SSMEM1: variants seen among roughly 807,000 people sequenced by gnomAD.
The protein encoded by SSMEM1 is serine rich single-pass membrane protein 1, also known as serine-rich single-pass membrane protein 1.
A neutral mutation model predicts 9.9 loss-of-function variants in SSMEM1; 12 were observed. The observed-to-expected ratio is 1.21, with a 90% CI of 0.78 to 1.96. The LOEUF is 1.96. SSMEM1 is among the 30% of genes most tolerant of loss of function. The pLI is 0.00. For missense variants in SSMEM1, 259 were observed against 292.2 expected (o/e 0.89, Z 0.83); for synonymous variants, 96 against 98.9 (o/e 0.97, Z 0.17).
chr7:130,214,033 G>A (rs1798656356), intron 2 of SSMEM1, among the ~76,000 whole-genome samples: 1 of 152,190 alleles, frequency 6.6e-6, no homozygotes, highest in South Asian at 2.1e-4. Context: ...ATTATGAACT[G>A]TCTATGACAT....
chr7:130,207,061 A>G (rs986034542), upstream of SSMEM1: 14 of 158,424 alleles, frequency 8.8e-5, no homozygotes, highest in Non-Finnish European at 1.8e-4. Flanking sequence ...AAGAAATTGT[A>G]TGCATTTGAT....
intron 1 of SSMEM1, among the ~76,000 whole-genome samples, chr7:130,210,689 A>T (rs796540219): frequency 1.3e-5 from 2 of 152,252 alleles, no homozygotes; most frequent in African/African-American, 4.8e-5. Context: ...CACATTTTCT[A>T]CTCTGCCCCT....
At chr7:130,210,585 C>T (rs1018080786) in intron 1 of SSMEM1, among the ~76,000 whole-genome samples, 3 of 152,244 alleles carry the variant, frequency 2.0e-5, no homozygotes, top group Admixed American at 6.5e-5. Flanking sequence ...GTAATCCAAA[C>T]ACCTTATTTT....
upstream of SSMEM1, chr7:130,207,710 T>C (rs1043344112): frequency 5.8e-6 from 4 of 693,980 alleles, no homozygotes; most frequent in Non-Finnish European, 1.0e-5. Flanking sequence ...GAAAATAACA[T>C]AAACATTCAG....
chr7:130,212,503 A>G (rs1429166910), intron 1 of SSMEM1, among the ~76,000 whole-genome samples: 1 of 152,126 alleles, frequency 6.6e-6, no homozygotes, highest in African/African-American at 2.4e-5. Flanking sequence ...AGGCAGGTGG[A>G]TCACCTGAGA....
Position 130,216,767 on chromosome 7 carries a change from G to A in SSMEM1, c.*297G>A. On this transcript the variant is annotated 3_prime_UTR_variant, in exon 3 of 3. Coordinates refer to ENST00000297819, the MANE Select transcript of SSMEM1 (RefSeq NM_145268.4). Reference sequence around the variant, plus strand: ...CTTGAGTGTATATATTTTGTGCCTTGAGTGTATGTATTTTGTTTATGTCTG... The same window carrying A: ...CTTGAGTGTATATATTTTGTGCCTTAAGTGTATGTATTTTGTTTATGTCTG... The A allele has an allele frequency of 2.9e-6, 1 of 345,010 alleles. No individual in the cohort carries two copies. The highest frequency in any genetic ancestry group is 5.3e-6 in the Non-Finnish European group (1 of 189,550). 21.4% of individuals were successfully genotyped at this position (345,010 alleles called of 1,614,324 possible). A position where few individuals can be genotyped will look rare whatever the true frequency, so the allele number is the denominator to read the frequency against.
In SSMEM1 at chr7:130,216,142, A is replaced by T; in HGVS notation, c.407A>T (p.Asn136Ile). 2 of 1,614,222 alleles carry T rather than the reference A, an allele frequency of 1.2e-6. No homozygotes were observed. Among genetic ancestry groups the T allele is most frequent in the Non-Finnish European group, 1.7e-6 (2 of 1,180,036 alleles). Residue 136 changes from asparagine (N) to isoleucine (I), a missense_variant, in exon 3 of 3, where the codon AAT becomes ATT. Transcript: ENST00000297819. The part of the protein sequence containing the change: ...QRRARRQSQF[N>I]EVNQNQHDSD... The stretch of plus-strand genomic sequence containing the variant: ...CGAGCCAGGCGCCAGTCTCAGTTCA[A>T]TGAGGTGAACCAGAACCAACATGAC...
chr7:130,212,728 A>G (rs922743975), intron 1 of SSMEM1, among the ~76,000 whole-genome samples: 2 of 152,040 alleles, frequency 1.3e-5, no homozygotes, highest in African/African-American at 4.8e-5. Flanking sequence ...TCCGTCTCAA[A>G]AAAAAAACAA....
intron 1 of SSMEM1, among the ~76,000 whole-genome samples, chr7:130,211,405 C>A (rs537587460): frequency 9.2e-5 from 14 of 152,122 alleles, no homozygotes; most frequent in African/African-American, 3.1e-4. Context: ...GTGATCTGCC[C>A]GCCTCAGCCT....
Position 130,216,301 on chromosome 7 carries a change from G to C in SSMEM1, c.566G>C (p.Gly189Ala), listed in dbSNP as rs532958163. ...RKMAQRQRNL[G>A]SYQMSERHCL... is the part of the protein sequence containing the mutation. ...ATGGCTCAGAGGCAAAGGAATCTGG[G>C]AAGTTACCAAATGAGCGAAAGGCAC... The change falls in exon 3 of 3, where the codon GGA (glycine) becomes GCA (alanine). Residue 189 changes from glycine to alanine, a missense_variant. Transcript: ENST00000297819. The C allele has an allele frequency of 2.5e-6, 4 of 1,614,072 alleles. No individual in the cohort carries two copies. The African/African-American group carries it at 5.3e-5, about 22-fold the overall frequency.
chr7:130,206,998 A>AG (rs967449587), upstream of SSMEM1: 6 of 166,838 alleles, frequency 3.6e-5, no homozygotes, highest in African/African-American at 1.4e-4. Flanking sequence ...AAAAAAAAAA[A>AG]AAAAATTAGA....
chr7:130,209,124 A>G (rs974875036), intron 1 of SSMEM1, among the ~76,000 whole-genome samples: 4 of 152,092 alleles, frequency 2.6e-5, no homozygotes, highest in African/African-American at 9.7e-5. Context: ...TGGCCTCCCA[A>G]AGTGCTGGGA....
chr7:130,208,817 A>C (rs1798537411), intron 1 of SSMEM1, among the ~76,000 whole-genome samples: 1 of 152,042 alleles, frequency 6.6e-6, no homozygotes, highest in African/African-American at 2.4e-5. Flanking sequence ...GAGATATCCC[A>C]CTTTATCAGG....
At position 130,213,270 on chromosome 7, in the gene SSMEM1, C is replaced by T. The variant is rs184106484; in HGVS notation, c.184-210C>T. On this transcript the variant is annotated intron_variant, in intron 1 of 2. Transcript: ENST00000297819. ...GGCCGAGGCAGGAGAATCACTTGAA[C>T]CCGGAAGATAGAGGTTGCAGTGAGC... Among the ~76,000 whole-genome samples the T allele has an allele frequency of 3.5e-3, 536 of 152,158 alleles. 5 individuals carry two copies. The highest frequency in any genetic ancestry group is 0.012 in the African/African-American group (505 of 41,484).
rs572855990 is a variant in SSMEM1, at chr7:130,216,672, T to C, written c.*202T>C. 8.9e-5 allele frequency: 54 copies of C among 606,210 alleles called. No homozygotes were observed. The highest frequency in any genetic ancestry group is 8.7e-4 in the South Asian group (40 of 45,842). 37.6% of individuals were successfully genotyped at this position (606,210 alleles called of 1,614,324 possible). On this transcript the variant is annotated 3_prime_UTR_variant, in exon 3 of 3. Coordinates refer to ENST00000297819, the MANE Select transcript of SSMEM1 (RefSeq NM_145268.4). Reference sequence around the variant, plus strand: ...AGGCCATCACGTGTTTATGGCACCATTGGAACACCAAAGATCTATATCTGC... The same window carrying C: ...AGGCCATCACGTGTTTATGGCACCACTGGAACACCAAAGATCTATATCTGC...
chr7:130,205,427 A>G (rs1372127041), upstream of SSMEM1: 5 of 1,613,122 alleles, frequency 3.1e-6, no homozygotes, highest in African/African-American at 4.0e-5. Context: ...GGCATGCGCA[A>G]AGCCAAGCTC....
chr7:130,215,906 T>C, intron 2 of SSMEM1, 68 bp from the exon 3 acceptor site: 2 of 1,563,076 alleles, frequency 1.3e-6, no homozygotes, highest in Non-Finnish European at 1.7e-6. Context: ...GTGCACAGGC[T>C]TCTTAAGTAA....
At chr7:130,205,654 C>T (rs745939540), upstream of SSMEM1, among the ~76,000 whole-genome samples, 49 of 152,276 alleles carry the variant, frequency 3.2e-4, no homozygotes, top group Middle Eastern at 3.4e-3. Flanking sequence ...TTGTAACAAG[C>T]TGAATTTTGT....
At chr7:130,211,760 T>C (rs1266132733) in intron 1 of SSMEM1, among the ~76,000 whole-genome samples, 1 of 152,220 alleles carries the variant, frequency 6.6e-6, no homozygotes, top group Admixed American at 6.5e-5. Context: ...ATCACTTTTA[T>C]ATGCTCCTTA....
Sources: gnomAD v4.1 joint callset for allele counts (sites outside exome capture counted in the v4.1 genomes callset) on GRCh38, gnomAD v4.1.1 for gene constraint, MANE v1.5 for transcripts, NCBI Gene and HGNC (gene_info 2026-07-23, HGNC 2026-07-21) for gene names.